Variants in KCNT1 observed in about 807,000 individuals in gnomAD.
KCNT1 encodes the protein potassium sodium-activated channel subfamily T member 1.
Under a neutral mutation model 147.8 loss-of-function variants are expected in KCNT1, and 78 were observed. That is an observed-to-expected ratio of 0.53 (90% confidence interval 0.44 to 0.64). The LOEUF (loss-of-function observed/expected upper bound fraction) is 0.64. KCNT1 is among the 30% of genes least tolerant of loss of function. The probability of loss-of-function intolerance (pLI) is 0.00; values close to 1 mark genes in which losing one functional copy is unlikely to be tolerated. For synonymous variants in KCNT1, 867 were observed against 748.8 expected, an observed-to-expected ratio of 1.16 and a Z score of -2.58; for missense variants, 1,419 against 1,750.3, an observed-to-expected ratio of 0.81 and a Z score of 3.38.
intron 15 of KCNT1, among the ~76,000 whole-genome samples, chr9:135,769,435 C>T (rs1356094328): frequency 1.3e-5 from 2 of 152,144 alleles, no homozygotes; most frequent in Admixed American, 6.5e-5. Context: ...CTGGAGGGGA[C>T]GGCAGACCCC....
intron 1 of KCNT1, among the ~76,000 whole-genome samples, chr9:135,709,577 G>A (rs529568237): frequency 6.6e-6 from 1 of 152,304 alleles, no homozygotes; most frequent in African/African-American, 2.4e-5. Context: ...ACTGGCGCAG[G>A]AGACCGTCCA....
intron 4 of KCNT1, 67 bp from the exon 5 acceptor site, chr9:135,753,870 C>A: frequency 1.3e-6 from 2 of 1,571,772 alleles, no homozygotes; most frequent in Admixed American, 1.7e-5. Context: ...TGGAAGCCCT[C>A]GGGCAGCAAG....
intron 2 of KCNT1, among the ~76,000 whole-genome samples, chr9:135,733,817 C>T (rs1045400786): frequency 3.4e-5 from 5 of 149,094 alleles, no homozygotes; most frequent in South Asian, 2.2e-4. Flanking sequence ...TGCCCACCCA[C>T]GAGATGTCAC....
chr9:135,759,902 G>A (rs1426035280), intron 11 of KCNT1, 43 bp downstream of exon 11: 4 of 1,536,034 alleles, frequency 2.6e-6, no homozygotes, highest in African/African-American at 2.7e-5. Flanking sequence ...CCAGCAAAGG[G>A]ACAGGCGGGT....
chr9:135,787,309 G>GA (rs1011424813), intron 29 of KCNT1, among the ~76,000 whole-genome samples: 1 of 152,200 alleles, frequency 6.6e-6, no homozygotes, highest in African/African-American at 2.4e-5. Flanking sequence ...GGCGTGGAGA[G>GA]AAGCTCATCC....
intron 2 of KCNT1, among the ~76,000 whole-genome samples, chr9:135,716,564 G>A (rs1588257869): frequency 6.6e-6 from 1 of 152,262 alleles, no homozygotes; most frequent in South Asian, 2.1e-4. Context: ...TACCCTAGAA[G>A]GAATCTCCTT....
At position 135,714,860 on chromosome 9, in the gene KCNT1, A is replaced by G; in HGVS notation, c.254+140A>G. The G allele has an allele frequency of 1.9e-6, 1 of 530,186 alleles. No homozygotes were observed. Among genetic ancestry groups the G allele is most frequent in the East Asian group, 6.4e-5 (1 of 15,560 alleles). The allele number at this position is 530,186 out of a possible 1,614,324, so 32.8% of individuals were successfully genotyped here. A position where few individuals can be genotyped will look rare whatever the true frequency, so the allele number is the denominator to read the frequency against. On this transcript the variant is annotated intron_variant, in intron 2 of 30. Coordinates refer to ENST00000371757, the MANE Select transcript of KCNT1 (RefSeq NM_020822.3). The surrounding 1 kb of genome is among the most constrained non-coding windows in gnomAD (Gnocchi z 6.2). ...CTTCAACTTTTCCCGGCTTCTGGGGACGCAGAAGTTTCGGAGGGGGTGCGG... is the reference window on the plus strand; with the variant it reads ...CTTCAACTTTTCCCGGCTTCTGGGGGCGCAGAAGTTTCGGAGGGGGTGCGG...
chr9:135,724,243 C>T (rs1051036706), intron 2 of KCNT1, among the ~76,000 whole-genome samples: 3 of 152,230 alleles, frequency 2.0e-5, no homozygotes, highest in South Asian at 2.1e-4. Flanking sequence ...TTTTCATCCC[C>T]GGAGGCCAGG....
chr9:135,782,688 T>C (rs578238716), intron 24 of KCNT1, among the ~76,000 whole-genome samples: 118 of 152,362 alleles, frequency 7.7e-4, no homozygotes, highest in African/African-American at 2.6e-3. Flanking sequence ...TCTCTGGCCC[T>C]GTCGTGGTTC....
intron 19 of KCNT1, among the ~76,000 whole-genome samples, chr9:135,774,320 T>G (rs1256253490): frequency 6.9e-6 from 1 of 145,412 alleles, no homozygotes; most frequent in Non-Finnish European, 1.5e-5. Context: ...TGCTGTGTGT[T>G]GTGTGTCTGG....
intron 4 of KCNT1, 71 bp downstream of exon 4, chr9:135,751,112 G>A: frequency 2.2e-6 from 3 of 1,393,374 alleles, no homozygotes; most frequent in Non-Finnish European, 2.0e-6. Context: ...GGCCGTTACA[G>A]AAGCTGATGG....
intron 7 of KCNT1, 66 bp downstream of exon 7, chr9:135,756,998 C>T: frequency 6.9e-6 from 7 of 1,013,554 alleles, no homozygotes; most frequent in Non-Finnish European, 9.9e-6. Context: ...CCCAGCCTCC[C>T]CCACCTCCCC....
chr9:135,727,878 C>T (rs959532646), intron 2 of KCNT1, among the ~76,000 whole-genome samples: 2 of 152,204 alleles, frequency 1.3e-5, no homozygotes, highest in African/African-American at 4.8e-5. Context: ...GGGACTGGGA[C>T]CTGCTGTGCA....
intron 28 of KCNT1, 27 bp from the exon 29 acceptor site, chr9:135,786,170 C>G (rs760164489): frequency 1.0e-5 from 16 of 1,548,294 alleles, no homozygotes; most frequent in South Asian, 6.9e-5. Flanking sequence ...CACCCCTCCC[C>G]GCCCTGCCCT....
intron 19 of KCNT1, among the ~76,000 whole-genome samples, chr9:135,774,570 C>G (rs549539454): frequency 6.9e-6 from 1 of 145,232 alleles, no homozygotes; most frequent in African/African-American, 2.6e-5. Flanking sequence ...TGTGGTGTGT[C>G]TGTGTGTTGT....
chr9:135,778,484 C>T lies in KCNT1; in HGVS notation c.2583C>T (p.Gly861=), dbSNP rs1394484561. Residue 861 remains glycine (G), a synonymous_variant, in exon 22 of 31, where the codon GGC becomes GGT. Transcript: ENST00000371757. ...TCCCCATGGTCTACTACATGGAGGG[C>T]TCTGTGGACAAGTAAGGCGTGGCCG... ...CCFPMVYYME[G]SVDNLDSLLQ... is the part of the protein sequence containing the mutation. The T allele has an allele frequency of 3.2e-6, 5 of 1,565,712 alleles. No homozygotes were observed. The South Asian group carries it at 5.8e-5, about 18-fold the overall frequency.
chr9:135,718,651 C>T lies in KCNT1; in HGVS notation c.254+3931C>T, dbSNP rs148717220. Among the ~76,000 whole-genome samples, 27 of 152,318 alleles carry T rather than the reference C, an allele frequency of 1.8e-4. No homozygotes were observed. The East Asian group carries it at 4.8e-3, about 27-fold the overall frequency. On this transcript the variant is annotated intron_variant, in intron 2 of 30. Transcript: ENST00000371757. Reference sequence around the variant, plus strand: ...GCACAGGGCAGGTGCAATGTGGGGGCTCAGCACAGACTGGCACCCCTCACG... The same window carrying T: ...GCACAGGGCAGGTGCAATGTGGGGGTTCAGCACAGACTGGCACCCCTCACG...
At chr9:135,734,557 C>A (rs537841382) in intron 2 of KCNT1, among the ~76,000 whole-genome samples, 1 of 152,336 alleles carries the variant, frequency 6.6e-6, no homozygotes, top group South Asian at 2.1e-4. Context: ...CGGCTGTGGG[C>A]ACTCCATGGA....
At chr9:135,774,768 G>A (rs1411354017) in intron 19 of KCNT1, among the ~76,000 whole-genome samples, 3 of 152,280 alleles carry the variant, frequency 2.0e-5, no homozygotes, top group African/African-American at 7.2e-5. Context: ...CCGTGTGCCT[G>A]TATGGGGCCA....
Sources: allele counts gnomAD v4.1 joint callset (sites outside exome capture counted in the v4.1 genomes callset), GRCh38; gene constraint gnomAD v4.1.1; non-coding constraint Gnocchi (gnomAD v3.1); transcripts MANE v1.5; gene names NCBI Gene and HGNC (gene_info 2026-07-23, HGNC 2026-07-21).